The following BRCA1 variants were observed in gnomAD, a reference collection of about 807,000 sequenced individuals.
BRCA1 encodes the protein breast cancer type 1 susceptibility protein.
BRCA1 carries 140 observed loss-of-function variants against 173.7 expected under a neutral mutation model. The ratio of observed to expected loss-of-function variants is 0.81; its 90% CI spans 0.70 to 0.93. The LOEUF is 0.93. Ranked by LOEUF, BRCA1 falls within the 40% of genes least tolerant of loss-of-function variation. The pLI, the probability that BRCA1 is intolerant of heterozygous loss-of-function variation, is 0.00. For missense variants in BRCA1, 1,983 were observed against 2,172.5 expected, an observed-to-expected ratio of 0.91 and a Z score of 1.73; for synonymous variants, 662 against 756.0, an observed-to-expected ratio of 0.88 and a Z score of 2.04.
At chr17:43,122,829 AAGGTC>A (rs1358201834) in intron 2 of BRCA1, among the ~76,000 whole-genome samples, 1 of 151,744 alleles carries the variant, frequency 6.6e-6, no homozygotes, top group Non-Finnish European at 1.5e-5. Flanking sequence ...GGTGGATCAC[AAGGTC>A]AGGAGATCAA....
At chr17:43,105,599 A>T (rs1482963191) in intron 4 of BRCA1, among the ~76,000 whole-genome samples, 1 of 152,178 alleles carries the variant, frequency 6.6e-6, no homozygotes, top group Non-Finnish European at 1.5e-5. Context: ...TCTGCCTCTC[A>T]AGGATTTCTG....
upstream of BRCA1, among the ~76,000 whole-genome samples, chr17:43,126,819 T>G (rs1405009143): frequency 6.6e-6 from 1 of 152,144 alleles, no homozygotes; most frequent in Non-Finnish European, 1.5e-5. Context: ...CGGCTCCCTC[T>G]GCTTGCGGGG....
intron 1 of BRCA1, among the ~76,000 whole-genome samples, chr17:43,150,775 C>G (rs894615214): frequency 3.9e-5 from 6 of 152,072 alleles, no homozygotes; most frequent in East Asian, 3.9e-4. Flanking sequence ...AATTTTGCAG[C>G]TTGGAAGTGC....
chr17:43,057,765 G>A (rs2051568891), intron 18 of BRCA1, among the ~76,000 whole-genome samples: 1 of 151,836 alleles, frequency 6.6e-6, no homozygotes, highest in Non-Finnish European at 1.5e-5. Context: ...GAACCCGGGA[G>A]GCGGAGCTTG....
intron 20 of BRCA1, 93 bp downstream of exon 20, chr17:43,050,970 T>C: frequency 1.6e-6 from 2 of 1,274,514 alleles, no homozygotes; most frequent in Non-Finnish European, 2.3e-6. Flanking sequence ...TTCAGCAATC[T>C]GAGGAACCCC....
chr17:43,049,392 C>T (rs1296694101), intron 20 of BRCA1, among the ~76,000 whole-genome samples, 198 bp from the exon 21 acceptor site: 1 of 152,030 alleles, frequency 6.6e-6, no homozygotes, highest in East Asian at 1.9e-4. Flanking sequence ...ATGCCATGTA[C>T]TCTGGTTATC....
rs35149296 is a variant in BRCA1 at position 43,115,501 on chromosome 17, CA to C, written c.134+224del. Among the ~76,000 whole-genome samples the C allele has an allele frequency of 0.37, 45,006 of 123,092 alleles. 6,829 individuals carry two copies. Among genetic ancestry groups the C allele is most frequent in the South Asian group, 0.52 (2,136 of 4,072 alleles). The allele number at this position is 123,092 out of a possible 152,430, so 80.8% of individuals were successfully genotyped here. A position where few individuals can be genotyped will look rare whatever the true frequency, so the allele number is the denominator to read the frequency against. ...TGGGCGACAGAGCGAGACTTTGTCT[CA>C]AAAAAAAAAAAAAAGATAATATATG... On this transcript the variant is annotated intron_variant, in intron 3 of 22. Coordinates refer to ENST00000357654, the MANE Select transcript of BRCA1 (RefSeq NM_007294.4).
At chr17:43,132,327 G>T (rs532457368) in intron 1 of BRCA1, among the ~76,000 whole-genome samples, 4 of 152,098 alleles carry the variant, frequency 2.6e-5, no homozygotes, top group Non-Finnish European at 5.9e-5. Flanking sequence ...TGACTCGGTG[G>T]CAGCTGTCTT....
intron 1 of BRCA1, among the ~76,000 whole-genome samples, chr17:43,131,670 GAGA>G (rs2055966696): frequency 6.6e-6 from 1 of 151,456 alleles, no homozygotes; most frequent in Non-Finnish European, 1.5e-5. Context: ...GCAGTGAGCC[GAGA>G]TCGTGCCACT....
intron 11 of BRCA1, among the ~76,000 whole-genome samples, chr17:43,088,317 C>G (rs1480347481): frequency 6.6e-6 from 1 of 152,134 alleles, no homozygotes. Context: ...CCATTTCCCC[C>G]TCCCCAAGTC....
chr17:43,103,935 C>A (rs1270293249), intron 6 of BRCA1, among the ~76,000 whole-genome samples, 187 bp downstream of exon 6: 1 of 151,700 alleles, frequency 6.6e-6, no homozygotes, highest in African/African-American at 2.4e-5. Flanking sequence ...GATGAAACCC[C>A]GTCTCTACTA....
At chr17:43,145,015 ATCAGCGCAATTG>A (rs1241428401) in intron 1 of BRCA1, 28 of 694,528 alleles carry the variant, frequency 4.0e-5, no homozygotes, top group Non-Finnish European at 7.7e-5. Flanking sequence ...CCAAGAGGAG[ATCAGCGCAATTG>A]TCAGCTAAAC....
intron 6 of BRCA1, among the ~76,000 whole-genome samples, chr17:43,102,513 C>T (rs1253841466): frequency 6.6e-6 from 1 of 151,718 alleles, no homozygotes; most frequent in African/African-American, 2.4e-5. Flanking sequence ...CGTGCCACCA[C>T]ACCCAGCTAA....
intron 15 of BRCA1, among the ~76,000 whole-genome samples, chr17:43,069,216 A>G (rs1260386556): frequency 1.3e-5 from 2 of 152,238 alleles, no homozygotes; most frequent in African/African-American, 2.4e-5. Context: ...GAACTGATTA[A>G]TTGCTGAAAT....
At chr17:43,137,657 G>A (rs761208265) in intron 1 of BRCA1, among the ~76,000 whole-genome samples, 1 of 152,140 alleles carries the variant, frequency 6.6e-6, no homozygotes, top group African/African-American at 2.4e-5. Flanking sequence ...AAGGTGAGCG[G>A]ATCACTTGAG....
chr17:43,113,450 T>C (rs958976992), intron 3 of BRCA1, among the ~76,000 whole-genome samples: 13 of 152,112 alleles, frequency 8.5e-5, no homozygotes, highest in African/African-American at 3.1e-4. Context: ...CAGGGCAACC[T>C]CTGCCTCCCA....
chr17:43,126,018 A>G (rs1366882700), upstream of BRCA1, among the ~76,000 whole-genome samples: 1 of 152,150 alleles, frequency 6.6e-6, no homozygotes, highest in Non-Finnish European at 1.5e-5. Context: ...GAAAGCAGAA[A>G]CTAGGCCTTA....
intron 1 of BRCA1, chr17:43,163,154 G>A (rs546216812): frequency 7.9e-5 from 12 of 152,352 alleles, no homozygotes; most frequent in Non-Finnish European, 1.5e-4. Flanking sequence ...TCTGCTTCTT[G>A]TGCTAACAGG....
At position 43,092,285 on chromosome 17, in the gene BRCA1, A is replaced by T. The variant is rs1241537585; in HGVS notation, c.3246T>A (p.Ala1082=). 6.2e-7 allele frequency: 1 copy of T among 1,613,938 alleles called. No homozygotes were observed. Among genetic ancestry groups the T allele is most frequent in the Non-Finnish European group, 8.5e-7 (1 of 1,180,018 alleles). The part of the protein sequence containing the change: ...LGRNRGPKLN[A]MLRLGVLQPE... ...GTTGCAAAACCCCTAATCTAAGCAT[A>T]GCATTCAATTTTGGCCCTCTGTTTC... Residue 1082 remains alanine, a synonymous_variant, in exon 10 of 23, where the codon GCT becomes GCA. Transcript: ENST00000357654.
Sources: allele counts gnomAD v4.1 joint callset (sites outside exome capture counted in the v4.1 genomes callset), GRCh38; gene constraint gnomAD v4.1.1; transcripts MANE v1.5; gene names NCBI Gene and HGNC (gene_info 2026-07-23, HGNC 2026-07-21).